Variants in TMEM135 observed in about 807,000 individuals in gnomAD.
The protein encoded by TMEM135 is transmembrane protein 135.
TMEM135 carries 30 observed loss-of-function variants against 60.3 expected under a neutral mutation model. That is an observed-to-expected ratio of 0.50 (90% CI 0.37 to 0.68). The LOEUF (loss-of-function observed/expected upper bound fraction) is 0.68, where lower values mean the gene tolerates loss of function less well. Among genes scored for constraint, TMEM135 ranks in the 30% least tolerant of loss-of-function variants. The probability of loss-of-function intolerance (pLI) is 0.00; values close to 1 mark genes in which losing one functional copy is unlikely to be tolerated. For missense variants in TMEM135, 468 were observed against 548.8 expected (o/e 0.85, Z 1.47); for synonymous variants, 190 against 186.7 (o/e 1.02, Z -0.14).
At chr11:87,274,325 C>T (rs139316892) in intron 6 of TMEM135, among the ~76,000 whole-genome samples, 1 of 152,296 alleles carries the variant, frequency 6.6e-6, no homozygotes, top group Non-Finnish European at 1.5e-5. Context: ...AGGCGAAATC[C>T]AGACGTATTT....
intron 5 of TMEM135, among the ~76,000 whole-genome samples, chr11:87,232,847 G>A (rs1409266140): frequency 6.6e-6 from 1 of 151,918 alleles, no homozygotes; most frequent in African/African-American, 2.4e-5. Flanking sequence ...GAATAAAATG[G>A]AATTATTGAA....
At chr11:87,103,377 C>G (rs1346727143) in intron 4 of TMEM135, among the ~76,000 whole-genome samples, 1 of 151,944 alleles carries the variant, frequency 6.6e-6, no homozygotes, top group Admixed American at 6.6e-5. Flanking sequence ...AGTAGCCACT[C>G]TAACAGGTGT....
chr11:87,176,932 T>C (rs764726722), intron 5 of TMEM135, among the ~76,000 whole-genome samples: 5 of 152,198 alleles, frequency 3.3e-5, no homozygotes, highest in Non-Finnish European at 5.9e-5. Flanking sequence ...CAACTTTCTT[T>C]TCTTATTGTT....
At chr11:87,149,505 T>C (rs607616) in intron 4 of TMEM135, among the ~76,000 whole-genome samples, 80,807 of 151,872 alleles carry the variant, frequency 0.53, 22,459 homozygotes, top group East Asian at 0.73. Context: ...GCACCTGCTT[T>C]CTTTTAACAC....
intron 6 of TMEM135, among the ~76,000 whole-genome samples, chr11:87,279,920 C>T (rs12421602): frequency 2.0e-4 from 31 of 152,178 alleles, no homozygotes; most frequent in African/African-American, 7.2e-4. Flanking sequence ...AATAAGCAGA[C>T]CTTTATTATG....
intron 4 of TMEM135, among the ~76,000 whole-genome samples, chr11:87,133,911 A>G (rs1007188587): frequency 3.9e-5 from 6 of 151,994 alleles, no homozygotes; most frequent in Admixed American, 2.0e-4. Flanking sequence ...TGGTTCTATC[A>G]TGATTCCTTT....
At chr11:87,067,412 G>A (rs916915922) in intron 1 of TMEM135, among the ~76,000 whole-genome samples, 4 of 151,570 alleles carry the variant, frequency 2.6e-5, no homozygotes, top group Non-Finnish European at 5.9e-5. Flanking sequence ...CCATTTTTCA[G>A]TTTAAAATTG....
At chr11:87,089,625 A>T (rs1013366317) in intron 3 of TMEM135, among the ~76,000 whole-genome samples, 1 of 152,154 alleles carries the variant, frequency 6.6e-6, no homozygotes, top group Admixed American at 6.6e-5. Context: ...AATTTGTAAC[A>T]TATATGTTTT....
At chr11:87,061,567 T>C (rs1949947138) in intron 1 of TMEM135, among the ~76,000 whole-genome samples, 1 of 152,220 alleles carries the variant, frequency 6.6e-6, no homozygotes, top group South Asian at 2.1e-4. Context: ...TATCACCCTT[T>C]AGAAATGTAT....
chr11:87,202,321 C>A (rs1265727133), intron 5 of TMEM135, among the ~76,000 whole-genome samples: 1 of 152,002 alleles, frequency 6.6e-6, no homozygotes, highest in Non-Finnish European at 1.5e-5. Context: ...CCGCCATGCC[C>A]AGACTGTTTT....
intron 5 of TMEM135, among the ~76,000 whole-genome samples, chr11:87,173,880 C>G (rs1035689046): frequency 1.3e-5 from 2 of 152,152 alleles, no homozygotes; most frequent in African/African-American, 4.8e-5. Context: ...TGCCAGTGCG[C>G]TCTGCTGTCT....
At chr11:87,216,958 A>G (rs1383573070) in intron 5 of TMEM135, among the ~76,000 whole-genome samples, 2 of 152,236 alleles carry the variant, frequency 1.3e-5, no homozygotes, top group African/African-American at 4.8e-5. Flanking sequence ...ATAAAATAGC[A>G]TAATAAAAAG....
At chr11:87,245,557 T>C (rs1941248354) in intron 6 of TMEM135, among the ~76,000 whole-genome samples, 1 of 144,102 alleles carries the variant, frequency 6.9e-6, no homozygotes, top group African/African-American at 2.6e-5. Flanking sequence ...CATATGTATT[T>C]AGGATAGTTA....
At chr11:87,193,529 T>C (rs78789482) in intron 5 of TMEM135, among the ~76,000 whole-genome samples, 5,377 of 152,130 alleles carry the variant, frequency 0.035, 280 homozygotes, top group African/African-American at 0.11. Flanking sequence ...GTAGTGAGAA[T>C]TGAAAATCAC....
At chr11:87,198,624 T>C (rs1940018687) in intron 5 of TMEM135, among the ~76,000 whole-genome samples, 1 of 146,302 alleles carries the variant, frequency 6.8e-6, no homozygotes. Flanking sequence ...CATCTCCTCT[T>C]TCTCTCCTCT....
At chr11:87,091,261 A>G in intron 3 of TMEM135, 101 bp from the exon 4 acceptor site, 1 of 1,101,180 alleles carries the variant, frequency 9.1e-7, no homozygotes, top group African/African-American at 1.6e-5. Flanking sequence ...ACGTTTCTCA[A>G]TTTCTGAGAA....
intron 6 of TMEM135, among the ~76,000 whole-genome samples, chr11:87,292,276 T>C (rs1259604924): frequency 6.6e-6 from 1 of 152,226 alleles, no homozygotes; most frequent in Admixed American, 6.5e-5. Context: ...ATACCTGTTA[T>C]CACTATATGA....
intron 7 of TMEM135, among the ~76,000 whole-genome samples, chr11:87,297,951 A>G (rs1390258869): frequency 1.3e-5 from 2 of 152,244 alleles, no homozygotes; most frequent in African/African-American, 4.8e-5. Flanking sequence ...TCTCAAACTT[A>G]TAAAGTTGAT....
intron 4 of TMEM135, chr11:87,094,947 ATTAC>A (rs1266443056): frequency 6.5e-6 from 1 of 154,098 alleles, no homozygotes; most frequent in Non-Finnish European, 1.4e-5. Context: ...TTAAATGGAT[ATTAC>A]TTATATATTC....
Sources: gnomAD v4.1 joint callset for allele counts (sites outside exome capture counted in the v4.1 genomes callset) on GRCh38, gnomAD v4.1.1 for gene constraint, MANE v1.5 for transcripts, NCBI Gene and HGNC (gene_info 2026-07-23, HGNC 2026-07-21) for gene names.